Variants in RALGAPA1 observed in about 807,000 individuals in gnomAD.
RALGAPA1 encodes the protein ral GTPase-activating protein subunit alpha-1.
Under a neutral mutation model 269.6 loss-of-function variants are expected in RALGAPA1, and 52 were observed. The observed-to-expected ratio is 0.19, with a 90% CI of 0.15 to 0.24. RALGAPA1 has a LOEUF of 0.24. Ranked by LOEUF, RALGAPA1 falls within the 10% of genes least tolerant of loss-of-function variation. The pLI is 1.00. For missense variants in RALGAPA1, 1,917 were observed against 3,013.9 expected (o/e 0.64, Z 8.52); for synonymous variants, 817 against 1,008.3 (o/e 0.81, Z 3.60).
Position 35,677,960 on chromosome 14 carries a change from T to C in RALGAPA1, c.4614A>G (p.Pro1538=), listed in dbSNP as rs2065093682. Residue 1538 remains proline, a synonymous_variant, in exon 22 of 42, where the codon CCA becomes CCG. Transcript: ENST00000680220. ...EKLHHSVLQT[P]DDLEISEFPS... is the part of the protein sequence containing the mutation. ...ATTTTGAAATATTGCCTAGATCATC[T>C]GGTGTCTGAAGAACAGAGTGGTGGA... 6.2e-7 allele frequency: 1 copy of C among 1,613,596 alleles called. No homozygotes were observed. Among genetic ancestry groups the C allele is most frequent in the Non-Finnish European group, 8.5e-7 (1 of 1,179,860 alleles).
At chr14:35,579,380 C>G (rs2057795657) in intron 37 of RALGAPA1, among the ~76,000 whole-genome samples, 1 of 152,104 alleles carries the variant, frequency 6.6e-6, no homozygotes, top group African/African-American at 2.4e-5. Flanking sequence ...CCTGTGATCC[C>G]AGCACTTTGG....
chr14:35,547,211 T>C (rs929329910), intron 41 of RALGAPA1, among the ~76,000 whole-genome samples: 3 of 151,986 alleles, frequency 2.0e-5, no homozygotes, highest in Admixed American at 1.3e-4. Flanking sequence ...TAGACAATCA[T>C]AAGTGTTATT....
intron 1 of RALGAPA1, among the ~76,000 whole-genome samples, chr14:35,783,820 A>G (rs77851164): frequency 0.015 from 2,358 of 152,318 alleles, 49 homozygotes; most frequent in African/African-American, 0.052. Flanking sequence ...AACGTTTAAC[A>G]TCATTAGCCA....
intron 11 of RALGAPA1, among the ~76,000 whole-genome samples, chr14:35,740,789 C>T (rs371282771): frequency 4.1e-4 from 63 of 152,090 alleles, no homozygotes; most frequent in African/African-American, 1.4e-3. Flanking sequence ...ACCAGGGCGA[C>T]AGAGGAAAAC....
At chr14:35,596,049 T>C (rs1343951611) in intron 36 of RALGAPA1, among the ~76,000 whole-genome samples, 2 of 152,060 alleles carry the variant, frequency 1.3e-5, no homozygotes, top group Non-Finnish European at 2.9e-5. Flanking sequence ...GCCTACTAGG[T>C]GTTAATGGTA....
intron 31 of RALGAPA1, among the ~76,000 whole-genome samples, chr14:35,643,963 A>G (rs912027878): frequency 1.3e-5 from 2 of 152,202 alleles, no homozygotes; most frequent in Non-Finnish European, 2.9e-5. Flanking sequence ...ATAAAATATA[A>G]TATTTGCTAG....
At chr14:35,776,529 G>C (rs2075040295) in intron 1 of RALGAPA1, among the ~76,000 whole-genome samples, 1 of 152,198 alleles carries the variant, frequency 6.6e-6, no homozygotes, top group South Asian at 2.1e-4. Flanking sequence ...CTGTCAGTAA[G>C]AGCAGGGCAT....
chr14:35,557,070 A>C (rs1246717291), intron 39 of RALGAPA1, among the ~76,000 whole-genome samples: 1 of 150,846 alleles, frequency 6.6e-6, no homozygotes, highest in Non-Finnish European at 1.5e-5. Flanking sequence ...TGGGTTTCAA[A>C]AAGCACTAAT....
chr14:35,789,131 G>A (rs2075987569), intron 1 of RALGAPA1, among the ~76,000 whole-genome samples: 1 of 152,096 alleles, frequency 6.6e-6, no homozygotes, highest in African/African-American at 2.4e-5. Context: ...CTACATGATA[G>A]GGAAGACTTC....
chr14:35,771,056 C>A (rs2074573839), intron 3 of RALGAPA1, 57 bp from the exon 4 acceptor site: 2 of 715,828 alleles, frequency 2.8e-6, no homozygotes. Flanking sequence ...AATGAGTTCA[C>A]ATCCTGCAAA....
At chr14:35,737,619 C>T (rs2071122852) in intron 12 of RALGAPA1, among the ~76,000 whole-genome samples, 1 of 151,172 alleles carries the variant, frequency 6.6e-6, no homozygotes, top group Non-Finnish European at 1.5e-5. Context: ...ATTAGCCAGG[C>T]GTGGTGGCGG....
intron 1 of RALGAPA1, among the ~76,000 whole-genome samples, chr14:35,791,904 C>CACA (rs2076201848): frequency 8.5e-5 from 1 of 11,774 alleles, no homozygotes; most frequent in Non-Finnish European, 2.1e-4. Context: ...GACTCTGTCT[C>CACA]AAAAAAAAAA....
intron 12 of RALGAPA1, among the ~76,000 whole-genome samples, chr14:35,731,525 T>C (rs2070475639): frequency 6.6e-6 from 1 of 152,086 alleles, no homozygotes; most frequent in African/African-American, 2.4e-5. Flanking sequence ...AGGAATTAAA[T>C]AGCTTAAAGA....
At chr14:35,582,534 G>A (rs941275238) in intron 37 of RALGAPA1, among the ~76,000 whole-genome samples, 1 of 152,180 alleles carries the variant, frequency 6.6e-6, no homozygotes, top group African/African-American at 2.4e-5. Context: ...TAGTGCCAGT[G>A]TAGGAAAACC....
intron 25 of RALGAPA1, 43 bp downstream of exon 25, chr14:35,672,824 T>A: frequency 7.0e-7 from 1 of 1,421,312 alleles, no homozygotes; most frequent in Non-Finnish European, 9.3e-7. Flanking sequence ...AAAGATAATA[T>A]GATATAAACT....
intron 37 of RALGAPA1, among the ~76,000 whole-genome samples, chr14:35,584,554 T>G (rs2058155131): frequency 6.6e-6 from 1 of 152,162 alleles, no homozygotes; most frequent in Non-Finnish European, 1.5e-5. Flanking sequence ...TGTTAGCCAC[T>G]GCACCCGGTT....
chr14:35,652,046 ATAGTT>A (rs1285400359), intron 30 of RALGAPA1, among the ~76,000 whole-genome samples, 173 bp from the exon 31 acceptor site: 1 of 152,226 alleles, frequency 6.6e-6, no homozygotes, highest in African/African-American at 2.4e-5. Flanking sequence ...CTTTTCAAGT[ATAGTT>A]AACTATCAAT....
chr14:35,667,981 C>T (rs2064088204), intron 26 of RALGAPA1, among the ~76,000 whole-genome samples: 1 of 152,086 alleles, frequency 6.6e-6, no homozygotes, highest in Non-Finnish European at 1.5e-5. Flanking sequence ...TGAAAAAGAA[C>T]AAAATCCTGT....
chr14:35,757,104 A>T lies in RALGAPA1; in HGVS notation c.548-196T>A, dbSNP rs563421215. Among the ~76,000 whole-genome samples the T allele has an allele frequency of 2.2e-3, 292 of 133,148 alleles. 3 individuals carry two copies. Among genetic ancestry groups the T allele is most frequent in the African/African-American group, 5.4e-3 (173 of 31,892 alleles). 87.4% of individuals were successfully genotyped at this position (133,148 alleles called of 152,430 possible). A position where few individuals can be genotyped will look rare whatever the true frequency, so the allele number is the denominator to read the frequency against. ...AAAAATAAATTTTATTTATTTATTT[A>T]TTATTATTATTATTATTTTTTTTTT... On this transcript the variant is annotated intron_variant, in intron 6 of 41. Coordinates refer to ENST00000680220, the MANE Select transcript of RALGAPA1 (RefSeq NM_001346249.2).
Sources: allele counts gnomAD v4.1 joint callset (sites outside exome capture counted in the v4.1 genomes callset), GRCh38; gene constraint gnomAD v4.1.1; transcripts MANE v1.5; gene names NCBI Gene and HGNC (gene_info 2026-07-23, HGNC 2026-07-21).